Variants in ADAM12 observed in about 807,000 individuals in gnomAD.
The protein encoded by ADAM12 is ADAM metallopeptidase domain 12.
ADAM12 carries 70 observed loss-of-function variants against 106.4 expected under a neutral mutation model. The ratio of observed to expected loss-of-function variants is 0.66; its 90% CI spans 0.54 to 0.80. The LOEUF is 0.80. Among genes scored for constraint, ADAM12 ranks in the 30% least tolerant of loss-of-function variants. ADAM12 has a pLI of 0.00. For synonymous variants in ADAM12, 420 were observed against 433.5 expected (o/e 0.97, Z 0.39); for missense variants, 1,010 against 1,171.9 (o/e 0.86, Z 2.02).
Position 126,019,801 on chromosome 10 carries a change from G to A in ADAM12, c.2554C>T (p.Gln852Ter). The change falls in exon 22 of 23, where the codon CAG becomes TAG. Residue 852 changes from glutamine to a stop codon, truncating the protein, a stop_gained. Transcript: ENST00000448723. LOFTEE classifies it high-confidence loss of function. ...AGAGGATCTGCAGGCAGAGGCTTCT[G>A]AGGGGGGTTTGGCTTACAGGTCCCC... Reference protein sequence around the residue: ...AQGTCKPNPPQKPLPADPLAR... With the variant: ...AQGTCKPNPP The A allele has an allele frequency of 1.9e-6, 3 of 1,614,014 alleles. No homozygotes were observed. Among genetic ancestry groups the A allele is most frequent in the Non-Finnish European group, 2.5e-6 (3 of 1,179,966 alleles).
rs561661951 is a variant in ADAM12 at position 126,089,341 on chromosome 10, G to A, written c.1145+4644C>T. Among the ~76,000 whole-genome samples, 9 of 152,234 alleles carry A rather than the reference G, an allele frequency of 5.9e-5. No individual in the cohort carries two copies. The South Asian group carries it at 6.2e-4, about 11-fold the overall frequency. On this transcript the variant is annotated intron_variant, in intron 11 of 22. Transcript: ENST00000448723. ...AAGGCTGGAGAGGTGAGTGTGGAGCGTGGCGTGATGAGCACCGAGTGTGCT... is the reference window on the plus strand; with the variant it reads ...AAGGCTGGAGAGGTGAGTGTGGAGCATGGCGTGATGAGCACCGAGTGTGCT...
chr10:126,236,822 G>C (rs1381592097), intron 3 of ADAM12, among the ~76,000 whole-genome samples: 1 of 152,164 alleles, frequency 6.6e-6, no homozygotes, highest in Non-Finnish European at 1.5e-5. Context: ...TCTGAGGATG[G>C]AGAAACCCCT....
intron 2 of ADAM12, among the ~76,000 whole-genome samples, chr10:126,289,685 T>C (rs1377912885): frequency 6.6e-6 from 1 of 152,198 alleles, no homozygotes; most frequent in Non-Finnish European, 1.5e-5. Context: ...AACAATAATT[T>C]TAAGCAACAA....
At chr10:126,157,829 G>A (rs1192730169) in intron 3 of ADAM12, among the ~76,000 whole-genome samples, 2 of 115,650 alleles carry the variant, frequency 1.7e-5, no homozygotes, top group East Asian at 6.0e-4. Flanking sequence ...GGGCACCCTG[G>A]CCCTGTCACG....
intron 2 of ADAM12, among the ~76,000 whole-genome samples, chr10:126,308,283 C>A (rs1167038261): frequency 6.6e-6 from 1 of 152,198 alleles, no homozygotes; most frequent in Non-Finnish European, 1.5e-5. Flanking sequence ...GCCCATGCAA[C>A]TTGGGCAGGA....
chr10:126,192,067 C>T (rs1230453778), intron 3 of ADAM12, among the ~76,000 whole-genome samples: 1 of 152,174 alleles, frequency 6.6e-6, no homozygotes, highest in Non-Finnish European at 1.5e-5. Context: ...GCCCCCGGCC[C>T]CATCCAATCA....
rs1953621206 is a variant in ADAM12, at chr10:126,014,323, T to G, written c.*2956A>C. On this transcript the variant is annotated 3_prime_UTR_variant, in exon 23 of 23. Transcript: ENST00000448723. ...ACACAGTTTTAGCCGGTTTTTTTTT[T>G]TTTTTTTTTTTTTTGAGGATGCATT... 2 of 146,954 alleles carry G rather than the reference T, an allele frequency of 1.4e-5. No homozygotes were observed. Among genetic ancestry groups the G allele is most frequent in the South Asian group, 4.5e-4 (2 of 4,472 alleles). 9.1% of individuals were successfully genotyped at this position (146,954 alleles called of 1,614,324 possible).
intron 6 of ADAM12, among the ~76,000 whole-genome samples, chr10:126,111,684 CA>C (rs1565065935): frequency 6.6e-6 from 1 of 152,166 alleles, no homozygotes; most frequent in African/African-American, 2.4e-5. Context: ...TAAAAACAAA[CA>C]TGTGAACACA....
At chr10:126,160,089 A>G (rs1324888342) in intron 3 of ADAM12, among the ~76,000 whole-genome samples, 2 of 152,194 alleles carry the variant, frequency 1.3e-5, no homozygotes, top group African/African-American at 2.4e-5. Context: ...ACTTGTGTAC[A>G]TTGTATCTTC....
chr10:126,178,112 T>C (rs765751434), intron 3 of ADAM12, among the ~76,000 whole-genome samples: 11 of 152,188 alleles, frequency 7.2e-5, no homozygotes, highest in Non-Finnish European at 1.2e-4. Context: ...TCTTAGCATC[T>C]ACATTAGACA....
chr10:126,164,373 G>T (rs1361663202), intron 3 of ADAM12, among the ~76,000 whole-genome samples: 1 of 152,110 alleles, frequency 6.6e-6, no homozygotes, highest in African/African-American at 2.4e-5. Context: ...TCTTCCTGGT[G>T]GATCCATTTG....
At chr10:126,071,682 G>T (rs374823436) in intron 11 of ADAM12, 28 bp from the exon 12 acceptor site, 3 of 1,610,190 alleles carry the variant, frequency 1.9e-6, no homozygotes, top group Non-Finnish European at 2.5e-6. Context: ...AGAACAGTAA[G>T]TCACAGGGCA....
chr10:126,355,102 C>T (rs778448985), intron 1 of ADAM12, among the ~76,000 whole-genome samples: 6 of 151,958 alleles, frequency 3.9e-5, no homozygotes, highest in Non-Finnish European at 7.4e-5. Flanking sequence ...AACCAAAACT[C>T]GACTAACAAA....
intron 21 of ADAM12, among the ~76,000 whole-genome samples, chr10:126,025,376 C>T (rs971682137): frequency 9.9e-5 from 15 of 152,164 alleles, no homozygotes; most frequent in African/African-American, 7.2e-5. Flanking sequence ...CTAAAAAACA[C>T]ACTATACGAA....
intron 3 of ADAM12, among the ~76,000 whole-genome samples, chr10:126,203,927 T>C (rs929658974): frequency 7.6e-6 from 1 of 131,296 alleles, no homozygotes; most frequent in East Asian, 2.0e-4. Flanking sequence ...TCAGAGTGAG[T>C]GCGCGCGCGC....
chr10:126,078,267 G>GTTTT (rs1955141343), intron 11 of ADAM12, among the ~76,000 whole-genome samples: 1 of 152,134 alleles, frequency 6.6e-6, no homozygotes, highest in Non-Finnish European at 1.5e-5. Flanking sequence ...TGGAGCAATA[G>GTTTT]TTTTCAAGTG....
At chr10:126,158,899 TGGGGAGGATGCACAGAGCATGGA>T (rs1352159113) in intron 3 of ADAM12, among the ~76,000 whole-genome samples, 5 of 98,396 alleles carry the variant, frequency 5.1e-5, no homozygotes, top group Non-Finnish European at 1.1e-4. Context: ...CAGAGCATGG[TGGGGAGGATGCACAGAGCATGGA>T]GGGGGGATGC....
chr10:126,148,108 A>G (rs972446557), intron 4 of ADAM12, among the ~76,000 whole-genome samples: 6 of 151,436 alleles, frequency 4.0e-5, no homozygotes, highest in South Asian at 2.1e-4. Context: ...TAAAGCCACA[A>G]ATATTTCATC....
At chr10:126,343,786 G>T (rs972012981) in intron 1 of ADAM12, among the ~76,000 whole-genome samples, 12 of 152,126 alleles carry the variant, frequency 7.9e-5, no homozygotes, top group South Asian at 2.1e-4. Context: ...CCAGTGATGA[G>T]GAGCATTTTT....
Sources: allele counts gnomAD v4.1 joint callset (sites outside exome capture counted in the v4.1 genomes callset), GRCh38; gene constraint gnomAD v4.1.1; transcripts MANE v1.5; gene names NCBI Gene and HGNC (gene_info 2026-07-23, HGNC 2026-07-21).